The following CHID1 variants were observed in gnomAD, a reference collection of about 807,000 sequenced individuals.
CHID1 encodes chitinase domain containing 1, also known as chitinase domain-containing protein 1.
In CHID1, 44 loss-of-function variants were observed where a neutral mutation model predicts 55.4. The observed-to-expected ratio is 0.79, with a 90% confidence interval of 0.62 to 1.02. The LOEUF (loss-of-function observed/expected upper bound fraction) is 1.02, where lower values mean the gene tolerates loss of function less well. Among genes scored for constraint, CHID1 ranks in the 50% least tolerant of loss-of-function variants. The pLI is 0.00. For missense variants in CHID1, 491 were observed against 515.3 expected, an observed-to-expected ratio of 0.95 and a Z score of 0.46; for synonymous variants, 216 against 212.9, an observed-to-expected ratio of 1.01 and a Z score of -0.13.
chr11:882,950 T>C (rs2134173467), intron 10 of CHID1, 198 bp downstream of exon 10: 1 of 574,954 alleles, frequency 1.7e-6, no homozygotes, highest in South Asian at 2.1e-5. Context: ...GTGGCCGTGT[T>C]ATGGGTGGTG....
chr11:902,585 G>A (rs1031882901), intron 3 of CHID1, among the ~76,000 whole-genome samples: 2 of 152,316 alleles, frequency 1.3e-5, no homozygotes, highest in Middle Eastern at 6.8e-3. Context: ...CCTGGAGCTA[G>A]TGCACACCAC....
At chr11:914,635 A>AGCC, upstream of CHID1, 1 of 1,156,434 alleles carries the variant, frequency 8.6e-7, no homozygotes, top group Admixed American at 2.3e-5. Context: ...CGGGAGGCTG[A>AGCC]TCACTTGAGC....
rs949621394 is a variant in CHID1, at chr11:900,808, C to T, written c.439+128G>A. On this transcript the variant is annotated intron_variant, in intron 5 of 12. Coordinates refer to ENST00000323578, the MANE Select transcript of CHID1 (RefSeq NM_023947.4). ...GGCCAGGGCCAGCCTCATCTCTGAG[C>T]GGTCAAAGTAACCTGTGCCGCAGCA... is the stretch of plus-strand genomic sequence containing the variant. The T allele has an allele frequency of 1.5e-4, 106 of 727,612 alleles. 1 individual carries two copies. The highest frequency in any genetic ancestry group is 1.2e-3 in the South Asian group (64 of 53,704). The allele number at this position is 727,612 out of a possible 1,614,324, so 45.1% of individuals were successfully genotyped here. A position where few individuals can be genotyped will look rare whatever the true frequency, so the allele number is the denominator to read the frequency against.
At chr11:880,453 G>A (rs944172279) in intron 10 of CHID1, among the ~76,000 whole-genome samples, 1 of 152,214 alleles carries the variant, frequency 6.6e-6, no homozygotes, top group Non-Finnish European at 1.5e-5. Flanking sequence ...AGAGGAGTGT[G>A]CACGTAGAGT....
chr11:906,286 T>G (rs1475599810), intron 1 of CHID1, among the ~76,000 whole-genome samples: 1 of 149,898 alleles, frequency 6.7e-6, no homozygotes, highest in African/African-American at 2.5e-5. Flanking sequence ...GTCACCACAC[T>G]GGAGTGCTGT....
At chr11:877,301 G>A (rs918604516) in intron 10 of CHID1, among the ~76,000 whole-genome samples, 1 of 152,194 alleles carries the variant, frequency 6.6e-6, no homozygotes, top group African/African-American at 2.4e-5. Flanking sequence ...ACAGGGTCTT[G>A]CTCTGGAGCC....
intron 1 of CHID1, chr11:908,598 A>T (rs568194273): frequency 1.1e-5 from 11 of 985,380 alleles, no homozygotes; most frequent in African/African-American, 1.7e-5. Context: ...CTTTGACCCC[A>T]GCCCATTCCA....
upstream of CHID1, chr11:911,031 G>T (rs1852653348): frequency 6.5e-6 from 1 of 154,828 alleles, no homozygotes; most frequent in African/African-American, 2.4e-5. Context: ...TGGTGCTCGC[G>T]CTGGAGCTGG....
Position 883,221 on chromosome 11 carries a change from G to A in CHID1, c.886C>T (p.Leu296Phe). 6.2e-7 allele frequency: 1 copy of A among 1,614,220 alleles called. No homozygotes were observed. Among genetic ancestry groups the A allele is most frequent in the Non-Finnish European group, 8.5e-7 (1 of 1,180,030 alleles). ...DPKSKWRSKI[L>F]LGLNFYGMDY... The stretch of plus-strand genomic sequence containing the variant: ...ATACCATAGAAGTTGAGCCCCAGGA[G>A]GATTTTGCTTCGCCACTTGGACTTC... The change falls in exon 10 of 13, where the codon CTC (leucine) becomes TTC (phenylalanine). Residue 296 changes from leucine to phenylalanine, a missense_variant. By Grantham distance (22) the Leu-to-Phe change is conservative. Coordinates refer to ENST00000323578, the MANE Select transcript of CHID1 (RefSeq NM_023947.4).
Position 906,636 on chromosome 11 carries a change from A to C in CHID1, c.-43-1777T>G, listed in dbSNP as rs189289206. On this transcript the variant is annotated intron_variant, in intron 1 of 12. Transcript: ENST00000323578. ...GTGTGCCGGTCAATGAAGACGCTAC[A>C]AGACAGAACTTCCACAGTTCAGTCC... Among the ~76,000 whole-genome samples, 1,170 of 152,304 alleles carry C rather than the reference A, an allele frequency of 7.7e-3. 14 individuals are homozygous for C. Among genetic ancestry groups the C allele is most frequent in the Admixed American group, 0.032 (496 of 15,284 alleles).
chr11:893,491 C>T lies in CHID1; in HGVS notation c.637G>A (p.Ala213Thr). 6.4e-7 allele frequency: 1 copy of T among 1,551,272 alleles called. No homozygotes were observed. The highest frequency in any genetic ancestry group is 8.7e-7 in the Non-Finnish European group (1 of 1,146,920). The change falls in exon 8 of 13, where the codon GCC becomes ACC. Residue 213 changes from alanine (A) to threonine (T), a missense_variant. Ala to Thr is a moderately conservative substitution (Grantham distance 58, BLOSUM62 0). Coordinates refer to ENST00000323578, the MANE Select transcript of CHID1 (RefSeq NM_023947.4). ...VGLIHMLTHL[A>T]EALHQARLLA... ...AGCCGGGCCTGGTGCAGAGCCTCGG[C>T]CAAGTGGGTGAGCATGTGGATGAGG...
chr11:900,158 G>T, intron 5 of CHID1, 48 bp from the exon 6 acceptor site: 1 of 1,466,920 alleles, frequency 6.8e-7, no homozygotes, highest in Non-Finnish European at 9.5e-7. Flanking sequence ...GGAGATGCTG[G>T]AGGGCCCCTG....
chr11:874,830 C>G (rs908240757), intron 10 of CHID1: 2 of 152,278 alleles, frequency 1.3e-5, no homozygotes, highest in Admixed American at 6.5e-5. Context: ...ATGCTGTGAG[C>G]CGCCCTGAGC....
intron 1 of CHID1, 69 bp from the exon 2 acceptor site, chr11:904,928 G>A: frequency 1.3e-6 from 2 of 1,528,158 alleles, no homozygotes; most frequent in Non-Finnish European, 8.9e-7. Context: ...CCCCTCTGCT[G>A]ATGGGGCCAC....
chr11:892,824 G>A (rs1226409190), intron 8 of CHID1, among the ~76,000 whole-genome samples: 2 of 152,372 alleles, frequency 1.3e-5, no homozygotes, highest in Admixed American at 6.5e-5. Context: ...AGGCCACCAA[G>A]CTGCCTCCTT....
intron 4 of CHID1, among the ~76,000 whole-genome samples, chr11:901,826 G>A (rs1166584756): frequency 1.3e-5 from 2 of 152,088 alleles, no homozygotes; most frequent in African/African-American, 4.8e-5. Context: ...TACCAGGCCT[G>A]CCCTGCTCCA....
At chr11:877,729 GA>G (rs1303499027) in intron 10 of CHID1, among the ~76,000 whole-genome samples, 3 of 152,054 alleles carry the variant, frequency 2.0e-5, no homozygotes, top group African/African-American at 7.3e-5. Context: ...GCACTGTGGG[GA>G]GGCGGGGCCT....
intron 8 of CHID1, among the ~76,000 whole-genome samples, chr11:887,780 C>T (rs186263280): frequency 6.6e-6 from 1 of 152,306 alleles, no homozygotes; most frequent in East Asian, 1.9e-4. Flanking sequence ...GTGCCTCCCC[C>T]ACATCCACGG....
At chr11:902,003 A>G in intron 4 of CHID1, 195 bp downstream of exon 4, 1 of 628,798 alleles carries the variant, frequency 1.6e-6, no homozygotes, top group South Asian at 1.9e-5. Context: ...CACACTCACA[A>G]TCTCTTCTCT....
Sources: gnomAD v4.1 joint callset for allele counts (sites outside exome capture counted in the v4.1 genomes callset) on GRCh38, gnomAD v4.1.1 for gene constraint, MANE v1.5 for transcripts, NCBI Gene and HGNC (gene_info 2026-07-23, HGNC 2026-07-21) for gene names.